The following EYA1 variants were observed in gnomAD, a reference collection of about 807,000 sequenced individuals.
EYA1 encodes the protein EYA transcriptional coactivator and phosphatase 1.
In EYA1, 16 loss-of-function variants were observed where a neutral mutation model predicts 82.0. The ratio of observed to expected loss-of-function variants is 0.20; its 90% CI spans 0.13 to 0.30. The LOEUF (loss-of-function observed/expected upper bound fraction) is 0.30. Among genes scored for constraint, EYA1 ranks in the 10% least tolerant of loss-of-function variants. EYA1 has a pLI of 1.00. For missense variants in EYA1, 633 were observed against 730.7 expected (o/e 0.87, Z 1.54); for synonymous variants, 261 against 264.4 (o/e 0.99, Z 0.12).
At chr8:71,402,286 G>A (rs900987546) in intron 2 of EYA1, among the ~76,000 whole-genome samples, 5 of 152,052 alleles carry the variant, frequency 3.3e-5, no homozygotes, top group African/African-American at 9.7e-5. Flanking sequence ...TCAAAAAGAC[G>A]AAGTCCAGGG....
Position 71,287,375 on chromosome 8 carries a change from G to A in EYA1, c.826+11672C>T, listed in dbSNP as rs114224715. 6.6e-3 allele frequency among the ~76,000 whole-genome samples: 1,003 copies of A among 152,240 alleles called. 12 individuals carry two copies. Among genetic ancestry groups the A allele is most frequent in the African/African-American group, 0.023 (963 of 41,532 alleles). On this transcript the variant is annotated intron_variant, in intron 9 of 17. Coordinates refer to ENST00000340726, the MANE Select transcript of EYA1 (RefSeq NM_000503.6). ...ATAAACACTAACTGAATTAATCTTA[G>A]AGAATTGCTTTGACTTCTCTACCTG...
chr8:71,436,544 CAG>C (rs1806026724), intron 2 of EYA1, among the ~76,000 whole-genome samples: 1 of 152,106 alleles, frequency 6.6e-6, no homozygotes, highest in Non-Finnish European at 1.5e-5. Flanking sequence ...ACTAAATTGG[CAG>C]AGTGTTAACT....
intron 11 of EYA1, among the ~76,000 whole-genome samples, chr8:71,246,604 G>A (rs1231849004): frequency 6.6e-6 from 1 of 152,166 alleles, no homozygotes; most frequent in African/African-American, 2.4e-5. Context: ...TAGACTGTAG[G>A]CCAGACCCTG....
intron 2 of EYA1, chr8:71,531,099 G>A (rs1377104139): frequency 1.3e-5 from 2 of 152,196 alleles, no homozygotes; most frequent in Non-Finnish European, 2.9e-5. Context: ...AGGTGTGATG[G>A]TCACATTTTT....
At chr8:71,379,484 T>A (rs1828569776) in intron 2 of EYA1, among the ~76,000 whole-genome samples, 1 of 145,940 alleles carries the variant, frequency 6.9e-6, no homozygotes, top group Admixed American at 7.0e-5. Context: ...CTGAAGAGAT[T>A]ATATTTCTTG....
chr8:71,212,250 T>G (rs1468325816), intron 16 of EYA1, among the ~76,000 whole-genome samples: 1 of 152,242 alleles, frequency 6.6e-6, no homozygotes, highest in Non-Finnish European at 1.5e-5. Context: ...GCTTTATATT[T>G]GTATTTTGCA....
chr8:71,440,835 A>G (rs540181219), intron 2 of EYA1, among the ~76,000 whole-genome samples: 1 of 152,302 alleles, frequency 6.6e-6, no homozygotes, highest in East Asian at 1.9e-4. Context: ...GACAGAAAGA[A>G]AGAAGAACTA....
chr8:71,220,621 C>A (rs1046316281), intron 12 of EYA1, among the ~76,000 whole-genome samples: 1 of 152,278 alleles, frequency 6.6e-6, no homozygotes, highest in South Asian at 2.1e-4. Flanking sequence ...ATACAACAGA[C>A]AAAAGTCCTT....
chr8:71,200,451 C>T (rs1303167412), intron 17 of EYA1, among the ~76,000 whole-genome samples: 3 of 152,180 alleles, frequency 2.0e-5, no homozygotes. Flanking sequence ...GGGATACAAA[C>T]TATTACTTAT....
At chr8:71,484,190 G>T (rs1199537116) in intron 2 of EYA1, among the ~76,000 whole-genome samples, 1 of 152,214 alleles carries the variant, frequency 6.6e-6, no homozygotes, top group Non-Finnish European at 1.5e-5. Context: ...TGATGCTTGT[G>T]TCAGGGGGGT....
chr8:71,206,058 G>A (rs1807728274), intron 17 of EYA1, among the ~76,000 whole-genome samples: 1 of 152,058 alleles, frequency 6.6e-6, no homozygotes, highest in Non-Finnish European at 1.5e-5. Context: ...TTTTAATTAT[G>A]AATGTAAAAT....
chr8:71,412,379 TA>T (rs1028364526), intron 2 of EYA1, among the ~76,000 whole-genome samples: 5 of 143,716 alleles, frequency 3.5e-5, no homozygotes, highest in Non-Finnish European at 4.6e-5. Context: ...TAAAGTATAA[TA>T]AAAAAATATA....
intron 4 of EYA1, chr8:71,324,102 A>G (rs1165499027): frequency 6.6e-6 from 1 of 151,434 alleles, no homozygotes; most frequent in Non-Finnish European, 1.5e-5. Flanking sequence ...CTCTATGTCT[A>G]TGTTTTTTGA....
intron 2 of EYA1, among the ~76,000 whole-genome samples, chr8:71,458,782 T>C (rs142638685): frequency 6.6e-6 from 1 of 152,240 alleles, no homozygotes; most frequent in African/African-American, 2.4e-5. Context: ...TTTGTACACG[T>C]TGAGTTTGAA....
intron 1 of EYA1, among the ~76,000 whole-genome samples, chr8:71,541,874 T>C (rs1815165015): frequency 6.6e-6 from 1 of 152,192 alleles, no homozygotes; most frequent in Admixed American, 6.5e-5. Flanking sequence ...TTTGATACAA[T>C]ATATCACAGA....
chr8:71,273,400 T>C (rs1222669049), intron 9 of EYA1, among the ~76,000 whole-genome samples: 1 of 152,240 alleles, frequency 6.6e-6, no homozygotes, highest in African/African-American at 2.4e-5. Context: ...TGCTGGCTTG[T>C]CAGTTAATCA....
intron 2 of EYA1, among the ~76,000 whole-genome samples, chr8:71,515,641 T>C (rs1404393882): frequency 6.6e-6 from 1 of 152,154 alleles, no homozygotes. Context: ...AAGTCTTTTT[T>C]TACACTAATT....
chr8:71,366,495 C>G (rs1827764959), upstream of EYA1, among the ~76,000 whole-genome samples: 1 of 152,168 alleles, frequency 6.6e-6, no homozygotes, highest in Non-Finnish European at 1.5e-5. Flanking sequence ...ATTTTTCCCT[C>G]TAAGCCATGG....
At chr8:71,240,610 G>A (rs1812369027) in intron 12 of EYA1, among the ~76,000 whole-genome samples, 1 of 152,164 alleles carries the variant, frequency 6.6e-6, no homozygotes. Context: ...GGTTCCTGCT[G>A]ACTCTTAAAG....
Sources: allele counts gnomAD v4.1 joint callset (sites outside exome capture counted in the v4.1 genomes callset), GRCh38; gene constraint gnomAD v4.1.1; transcripts MANE v1.5; gene names NCBI Gene and HGNC (gene_info 2026-07-23, HGNC 2026-07-21).